ABCA13: variants seen among roughly 807,000 people sequenced by gnomAD.
ABCA13 encodes ATP binding cassette subfamily A member 13, also known as ATP-binding cassette sub-family A member 13.
ABCA13 carries 476 observed loss-of-function variants against 478.7 expected under a neutral mutation model. The ratio of observed to expected loss-of-function variants is 0.99; its 90% confidence interval spans 0.92 to 1.07. The LOEUF is 1.07. Ranked by LOEUF, ABCA13 falls within the 50% of genes least tolerant of loss-of-function variation. The pLI is 0.00. For missense variants in ABCA13, 6,060 were observed against 5,910.6 expected, an observed-to-expected ratio of 1.03 and a Z score of -0.83; for synonymous variants, 2,252 against 2,158.9, an observed-to-expected ratio of 1.04 and a Z score of -1.20.
At chr7:48,276,842 T>C (rs1796370135) in intron 17 of ABCA13, among the ~76,000 whole-genome samples, 2 of 152,204 alleles carry the variant, frequency 1.3e-5, no homozygotes, top group Admixed American at 1.3e-4. Flanking sequence ...TTCTATTTTA[T>C]ATGGATCTGA....
At chr7:48,426,179 A>G (rs550606318) in intron 41 of ABCA13, among the ~76,000 whole-genome samples, 3 of 152,242 alleles carry the variant, frequency 2.0e-5, no homozygotes, top group African/African-American at 4.8e-5. Context: ...AATAGTAGTG[A>G]GGTTTACAGC....
chr7:48,424,456 A>G (rs1382972602), intron 41 of ABCA13, among the ~76,000 whole-genome samples: 1 of 152,246 alleles, frequency 6.6e-6, no homozygotes, highest in Non-Finnish European at 1.5e-5. Flanking sequence ...GACTTTAAGC[A>G]AAACAACTTT....
At chr7:48,552,864 A>C (rs1418417943) in intron 55 of ABCA13, among the ~76,000 whole-genome samples, 1 of 151,650 alleles carries the variant, frequency 6.6e-6, no homozygotes, top group Non-Finnish European at 1.5e-5. Context: ...AAAATGTATA[A>C]TTAAGTTATT....
intron 1 of ABCA13, among the ~76,000 whole-genome samples, chr7:48,174,200 G>A (rs900315212): frequency 1.3e-5 from 2 of 152,178 alleles, no homozygotes; most frequent in African/African-American, 2.4e-5. Context: ...CTGCCTGAGT[G>A]AATAAATGGC....
intron 58 of ABCA13, among the ~76,000 whole-genome samples, chr7:48,599,778 TC>T (rs772964981): frequency 6.6e-6 from 1 of 152,060 alleles, no homozygotes; most frequent in Non-Finnish European, 1.5e-5. Context: ...CTCTCCCCCA[TC>T]CCCCACAAAA....
At chr7:48,616,318 C>T (rs1352450920) in intron 59 of ABCA13, among the ~76,000 whole-genome samples, 2 of 152,086 alleles carry the variant, frequency 1.3e-5, no homozygotes, top group Admixed American at 6.5e-5. Context: ...CTTGCTGCTT[C>T]GGGTCAACCA....
chr7:48,317,313 GA>G lies in ABCA13; in HGVS notation c.9999+18del, dbSNP rs778189490. 3.7e-6 allele frequency: 6 copies of G among 1,609,080 alleles called. No homozygotes were observed. In the African/African-American group the frequency reaches 8.0e-5, roughly 22 times the overall value. The stretch of plus-strand genomic sequence containing the variant: ...ATTCAAAAGGTAAGTTAAAATAAAT[GA>G]GAATCATATAGACCATACATACACT... On this transcript the variant is annotated intron_variant, in intron 27 of 61. Transcript: ENST00000435803.
intron 33 of ABCA13, 91 bp downstream of exon 33, chr7:48,372,588 A>T: frequency 1.8e-6 from 2 of 1,085,122 alleles, no homozygotes; most frequent in Non-Finnish European, 2.6e-6. Flanking sequence ...TCACTTTTTC[A>T]ATTTGTCATG....
chr7:48,211,815 C>T (rs1331059951), intron 3 of ABCA13, among the ~76,000 whole-genome samples: 1 of 151,968 alleles, frequency 6.6e-6, no homozygotes, highest in African/African-American at 2.4e-5. Context: ...CTTTATTTTA[C>T]AGTGGCTGAA....
chr7:48,262,460 C>T (rs1376411406), intron 15 of ABCA13, among the ~76,000 whole-genome samples: 1 of 151,892 alleles, frequency 6.6e-6, no homozygotes, highest in Non-Finnish European at 1.5e-5. Flanking sequence ...TAACTTTACC[C>T]TCTTTTGATT....
Position 48,279,176 on chromosome 7 carries a change from A to G in ABCA13, c.7982A>G (p.Asn2661Ser), listed in dbSNP as rs776682776. 6.2e-7 allele frequency: 1 copy of G among 1,600,230 alleles called. No individual in the cohort carries two copies. The highest frequency in any genetic ancestry group is 8.5e-7 in the Non-Finnish European group (1 of 1,173,262). ...DMRSLAVAFN[N>S]ETQTFSMDSV... ...AGGAGTCTTGCGGTAGCATTTAACA[A>G]TGAGACTCAAACATTTTCTATGGAT... The change falls in exon 18 of 62, where the codon AAT (asparagine) becomes AGT (serine). Residue 2661 changes from asparagine (N) to serine (S), a missense_variant. Coordinates refer to ENST00000435803, the MANE Select transcript of ABCA13 (RefSeq NM_152701.5).
rs537006963 is a variant in ABCA13 at position 48,272,700 on chromosome 7, G to A, written c.3034G>A (p.Ala1012Thr). ...FNFQNISKAF[A>T]FLFKTAEVLG... ...TTTCCAAAACATCAGTAAAGCATTT[G>A]CATTTTTATTTAAGACAGCAGAGGT... The change falls in exon 17 of 62, where the codon GCA (alanine) becomes ACA (threonine). Residue 1012 changes from alanine to threonine, a missense_variant. Transcript: ENST00000435803. The A allele has an allele frequency of 1.1e-4, 177 of 1,611,646 alleles. No homozygotes were observed. Among genetic ancestry groups the A allele is most frequent in the Non-Finnish European group, 1.4e-4 (167 of 1,178,678 alleles).
intron 15 of ABCA13, among the ~76,000 whole-genome samples, chr7:48,263,362 A>G (rs1477913939): frequency 1.3e-5 from 2 of 151,944 alleles, no homozygotes; most frequent in African/African-American, 2.4e-5. Flanking sequence ...ATTCTAGTCA[A>G]TACATTATCT....
At chr7:48,531,497 AT>A (rs1332627368) in intron 55 of ABCA13, among the ~76,000 whole-genome samples, 3 of 151,894 alleles carry the variant, frequency 2.0e-5, no homozygotes, top group African/African-American at 7.3e-5. Flanking sequence ...TTCCATATGA[AT>A]TTTAGGATTT....
intron 54 of ABCA13, 72 bp downstream of exon 54, chr7:48,524,512 T>A (rs1201029104): frequency 7.3e-7 from 1 of 1,369,180 alleles, no homozygotes; most frequent in Admixed American, 2.8e-5. Flanking sequence ...TCTGCTTGTG[T>A]TAGTCTCAGA....
intron 48 of ABCA13, among the ~76,000 whole-genome samples, chr7:48,496,389 A>G (rs1648406340): frequency 6.6e-6 from 1 of 152,052 alleles, no homozygotes; most frequent in South Asian, 2.1e-4. Context: ...TACCTTTAAA[A>G]TATTATTGTC....
intron 43 of ABCA13, among the ~76,000 whole-genome samples, chr7:48,466,444 G>A (rs1005140249): frequency 2.0e-5 from 3 of 152,286 alleles, no homozygotes; most frequent in African/African-American, 7.2e-5. Context: ...CCTCTGTTAA[G>A]AAAATGTAGC....
rs139442094 is a variant in ABCA13 at position 48,189,474 on chromosome 7, T to C, written c.70-3485T>C. Reference sequence around the variant, plus strand: ...AAAGATATTTTTTCACTTGTGATTTTCAGAAGGGTCAGTGACCACCTTGTA... The same window carrying C: ...AAAGATATTTTTTCACTTGTGATTTCCAGAAGGGTCAGTGACCACCTTGTA... On this transcript the variant is annotated intron_variant, in intron 1 of 61. Transcript: ENST00000435803. Among the ~76,000 whole-genome samples, 57 of 152,360 alleles carry C rather than the reference T, an allele frequency of 3.7e-4. No individual in the cohort carries two copies. In the East Asian group the frequency reaches 9.4e-3, roughly 25 times the overall value.
chr7:48,484,933 A>G (rs1829139594), intron 47 of ABCA13, among the ~76,000 whole-genome samples: 2 of 152,224 alleles, frequency 1.3e-5, no homozygotes, highest in Admixed American at 1.3e-4. Context: ...TTTTTCTTTC[A>G]GCCCTTAGGC....
Sources: allele counts gnomAD v4.1 joint callset (sites outside exome capture counted in the v4.1 genomes callset), GRCh38; gene constraint gnomAD v4.1.1; transcripts MANE v1.5; gene names NCBI Gene and HGNC (gene_info 2026-07-23, HGNC 2026-07-21).